The following SDK1 variants were observed in gnomAD, a reference collection of about 807,000 sequenced individuals.
SDK1 encodes the protein protein sidekick-1.
SDK1 carries 157 observed loss-of-function variants against 245.5 expected under a neutral mutation model. The observed-to-expected ratio is 0.64, with a 90% CI of 0.56 to 0.73. The LOEUF (loss-of-function observed/expected upper bound fraction) is 0.73, where lower values mean the gene tolerates loss of function less well. Ranked by LOEUF, SDK1 falls within the 30% of genes least tolerant of loss-of-function variation. The pLI is 0.00. For missense variants in SDK1, 3,583 were observed against 3,002.3 expected (o/e 1.19, Z -4.52); for synonymous variants, 1,647 against 1,278.5 (o/e 1.29, Z -6.15).
chr7:4,241,967 G>A, intron 43 of SDK1, 54 bp downstream of exon 43: 6 of 1,595,100 alleles, frequency 3.8e-6, no homozygotes, highest in Non-Finnish European at 5.1e-6. Flanking sequence ...TGCCAGGGCT[G>A]GGGTGGCAGC....
At chr7:4,065,278 T>C (rs1170790573) in intron 19 of SDK1, among the ~76,000 whole-genome samples, 3 of 152,178 alleles carry the variant, frequency 2.0e-5, no homozygotes, top group African/African-American at 7.2e-5. Flanking sequence ...CTGATGGTGC[T>C]GTAGTTAGTT....
chr7:3,751,714 G>A (rs571016873), intron 4 of SDK1, among the ~76,000 whole-genome samples: 6 of 152,250 alleles, frequency 3.9e-5, no homozygotes, highest in Middle Eastern at 3.4e-3. Flanking sequence ...TGACAGATGC[G>A]GAAGGGGGTT....
At chr7:3,385,999 G>C (rs968341373) in intron 1 of SDK1, among the ~76,000 whole-genome samples, 7 of 151,910 alleles carry the variant, frequency 4.6e-5, no homozygotes, top group African/African-American at 1.7e-4. Context: ...CATGAGGGAA[G>C]CTGTGGTAAA....
chr7:3,555,954 A>C (rs555467891), intron 1 of SDK1, among the ~76,000 whole-genome samples: 1 of 152,304 alleles, frequency 6.6e-6, no homozygotes, highest in South Asian at 2.1e-4. Context: ...GGGAATCCTC[A>C]TACACTATCG....
At chr7:3,462,701 C>T (rs1390688741) in intron 1 of SDK1, among the ~76,000 whole-genome samples, 4 of 152,062 alleles carry the variant, frequency 2.6e-5, no homozygotes, top group Non-Finnish European at 4.4e-5. Context: ...CACTTATCAC[C>T]ATATTTTCAC....
chr7:3,337,471 A>AC (rs1780232518), intron 1 of SDK1, among the ~76,000 whole-genome samples: 1 of 152,132 alleles, frequency 6.6e-6, no homozygotes, highest in Non-Finnish European at 1.5e-5. Flanking sequence ...CAAAAAAAAA[A>AC]AATCTGAAGA....
At chr7:3,317,641 C>G (rs900218070) in intron 1 of SDK1, among the ~76,000 whole-genome samples, 1 of 152,172 alleles carries the variant, frequency 6.6e-6, no homozygotes, top group African/African-American at 2.4e-5. Context: ...TTTCTACTTG[C>G]AGACTCTTCT....
At chr7:3,889,788 A>G (rs1048819021) in intron 5 of SDK1, among the ~76,000 whole-genome samples, 1 of 152,156 alleles carries the variant, frequency 6.6e-6, no homozygotes, top group Non-Finnish European at 1.5e-5. Flanking sequence ...GATTACAGGC[A>G]TGAGCCATCG....
intron 4 of SDK1, among the ~76,000 whole-genome samples, chr7:3,667,650 C>A (rs971009603): frequency 6.6e-6 from 1 of 152,194 alleles, no homozygotes; most frequent in Non-Finnish European, 1.5e-5. Flanking sequence ...TGTTTTCTGT[C>A]CCTATAGTTT....
chr7:3,541,936 C>T (rs762714804), intron 1 of SDK1, among the ~76,000 whole-genome samples: 6 of 152,082 alleles, frequency 3.9e-5, no homozygotes, highest in East Asian at 1.9e-4. Flanking sequence ...TAGATATGTC[C>T]GTAAGCCTTG....
At position 3,931,413 on chromosome 7, in the gene SDK1, A is replaced by G. The variant is rs569635255; in HGVS notation, c.848-19510A>G. On this transcript the variant is annotated intron_variant, in intron 5 of 44. Coordinates refer to ENST00000404826, the MANE Select transcript of SDK1 (RefSeq NM_152744.4). Reference sequence around the variant, plus strand: ...CAATTTCTTATTTGTGTCATCTTTGAGAATGACAGACTCTGAGGTTCAAAA... The same window carrying G: ...CAATTTCTTATTTGTGTCATCTTTGGGAATGACAGACTCTGAGGTTCAAAA... Among the ~76,000 whole-genome samples, 35 of 152,336 alleles carry G rather than the reference A, an allele frequency of 2.3e-4. No homozygotes were observed. In the South Asian group the frequency reaches 5.6e-3, roughly 24 times the overall value.
chr7:3,469,826 A>C (rs1318486239), intron 1 of SDK1, among the ~76,000 whole-genome samples: 1 of 152,228 alleles, frequency 6.6e-6, no homozygotes, highest in East Asian at 1.9e-4. Flanking sequence ...TTTCCCAAAG[A>C]AATTGAAAAT....
chr7:3,606,553 G>C (rs993929894), intron 1 of SDK1, among the ~76,000 whole-genome samples: 6 of 152,080 alleles, frequency 3.9e-5, no homozygotes, highest in African/African-American at 1.4e-4. Context: ...CATCCACCCT[G>C]GTGTCACTGC....
chr7:4,085,903 G>A (rs1029196499), intron 22 of SDK1, among the ~76,000 whole-genome samples: 3 of 152,042 alleles, frequency 2.0e-5, no homozygotes, highest in Admixed American at 2.0e-4. Flanking sequence ...TAATTCTTGA[G>A]GATATAACTC....
intron 44 of SDK1, among the ~76,000 whole-genome samples, chr7:4,257,795 T>C (rs1308147439): frequency 6.6e-6 from 1 of 152,186 alleles, no homozygotes; most frequent in Non-Finnish European, 1.5e-5. Context: ...GCCTCCCAGC[T>C]TTCCTCCCCA....
chr7:4,228,976 A>G (rs1423842838), intron 40 of SDK1, among the ~76,000 whole-genome samples: 1 of 152,168 alleles, frequency 6.6e-6, no homozygotes, highest in Non-Finnish European at 1.5e-5. Context: ...TTGCCTTTAA[A>G]AAGGATGAGG....
chr7:4,209,720 C>T (rs1283419922), intron 37 of SDK1, among the ~76,000 whole-genome samples: 2 of 152,130 alleles, frequency 1.3e-5, no homozygotes, highest in East Asian at 3.9e-4. Context: ...ATGGAGCTCC[C>T]TGCGTTTCAT....
chr7:3,776,977 C>T (rs1033241776), intron 4 of SDK1, among the ~76,000 whole-genome samples: 1 of 152,140 alleles, frequency 6.6e-6, no homozygotes, highest in African/African-American at 2.4e-5. Context: ...CTGTTTCCAC[C>T]CCCACACACA....
At chr7:4,187,160 G>C (rs1193962263) in intron 35 of SDK1, among the ~76,000 whole-genome samples, 1 of 152,162 alleles carries the variant, frequency 6.6e-6, no homozygotes, top group Non-Finnish European at 1.5e-5. Flanking sequence ...AGGCACGGGG[G>C]CCAAGTCCAG....
Sources: allele counts gnomAD v4.1 joint callset (sites outside exome capture counted in the v4.1 genomes callset), GRCh38; gene constraint gnomAD v4.1.1; transcripts MANE v1.5; gene names NCBI Gene and HGNC (gene_info 2026-07-23, HGNC 2026-07-21).